Variants in HERC6 observed in about 807,000 individuals in gnomAD.
HERC6 encodes the protein HECT and RLD domain containing E3 ubiquitin protein ligase family member 6.
A neutral mutation model predicts 114.5 loss-of-function variants in HERC6; 101 were observed. The ratio of observed to expected loss-of-function variants is 0.88; its 90% CI spans 0.75 to 1.04. HERC6 has a LOEUF of 1.04. Ranked by LOEUF, HERC6 falls within the 50% of genes least tolerant of loss-of-function variation. HERC6 has a pLI of 0.00. For synonymous variants in HERC6, 408 were observed against 436.2 expected, an observed-to-expected ratio of 0.94 and a Z score of 0.81; for missense variants, 1,133 against 1,230.9, an observed-to-expected ratio of 0.92 and a Z score of 1.19.
rs1298162077 is a variant in HERC6 at position 88,396,112 on chromosome 4, A to T, written c.857A>T (p.Asp286Val). The T allele has an allele frequency of 2.5e-6, 4 of 1,604,208 alleles. No homozygotes were observed. The South Asian group carries it at 4.5e-5, about 18-fold the overall frequency. ...KRGPQLVERI[D>V]GLVSQIDCGS... ...GGTCCACAACTTGTGGAAAGAATTG[A>T]TGGCCTAGTTTCGCAGATAGATTGT... Residue 286 changes from aspartate (D) to valine (V), a missense_variant, in exon 6 of 23, where the codon GAT becomes GTT. Around this residue, in one of 3 missense-constraint regions of HERC6, gnomAD observed 735 missense variants for 754.0 expected, o/e 0.97. Coordinates refer to ENST00000264346, the MANE Select transcript of HERC6 (RefSeq NM_017912.4).
intron 17 of HERC6, among the ~76,000 whole-genome samples, chr4:88,434,511 G>A (rs1331533386): frequency 6.6e-6 from 1 of 151,844 alleles, no homozygotes; most frequent in Non-Finnish European, 1.5e-5. Context: ...GGGATGAAAT[G>A]AACTAAAGAG....
intron 14 of HERC6, 70 bp from the exon 15 acceptor site, chr4:88,424,524 TA>T: frequency 8.8e-7 from 1 of 1,138,964 alleles, no homozygotes; most frequent in Non-Finnish European, 1.3e-6. Context: ...AAAAAGGCGA[TA>T]AGGTAAAGGA....
chr4:88,390,718 C>G lies in HERC6; in HGVS notation c.503C>G (p.Ser168Cys), dbSNP rs184338462. 3 of 1,614,098 alleles carry G rather than the reference C, an allele frequency of 1.9e-6. No homozygotes were observed. Among genetic ancestry groups the G allele is most frequent in the East Asian group, 4.5e-5 (2 of 44,876 alleles). Residue 168 changes from serine to cysteine, a missense_variant, in exon 4 of 23, where the codon TCC (serine) becomes TGC (cysteine). Ser to Cys is a moderately radical substitution (Grantham distance 112, BLOSUM62 -1). This residue lies in a region of HERC6 where 735 missense variants were observed against 754.0 expected (regional missense o/e 0.97). Transcript: ENST00000264346. Reference sequence around the variant, plus strand: ...CTGGGCTTGGGGAAGGAGTTCCCCTCCCAAGCCAGCCCGCAGAGGGTGAGG... The same window carrying G: ...CTGGGCTTGGGGAAGGAGTTCCCCTGCCAAGCCAGCCCGCAGAGGGTGAGG... The part of the protein sequence containing the change: ...GQLGLGKEFP[S>C]QASPQRVRSL...
intron 2 of HERC6, among the ~76,000 whole-genome samples, chr4:88,384,609 A>C (rs1230746259): frequency 6.6e-6 from 1 of 152,172 alleles, no homozygotes; most frequent in Non-Finnish European, 1.5e-5. Context: ...AGAAGAGATC[A>C]ATTTGACTTG....
chr4:88,383,114 A>C, intron 1 of HERC6, 107 bp from the exon 2 acceptor site: 4 of 1,419,224 alleles, frequency 2.8e-6, no homozygotes, highest in Non-Finnish European at 3.8e-6. Context: ...GGAGGAGACA[A>C]GAAATCTGGA....
chr4:88,431,317 CTTTT>C lies in HERC6; in HGVS notation c.2250+21_2250+24del. On this transcript the variant is annotated intron_variant, in intron 17 of 22. Transcript: ENST00000264346. ...GGTTTCCTGCCAAGGTAAGTCTTTT[CTTTT>C]TTTTTTTTCCCCCAGAACAGAAAAG... 3 of 1,213,652 alleles carry C rather than the reference CTTTT, an allele frequency of 2.5e-6. No homozygotes were observed. The highest frequency in any genetic ancestry group is 1.5e-5 in the South Asian group (1 of 65,254). 75.2% of individuals were successfully genotyped at this position (1,213,652 alleles called of 1,614,324 possible). A position where few individuals can be genotyped will look rare whatever the true frequency, so the allele number is the denominator to read the frequency against.
At chr4:88,401,403 A>G (rs1271728173) in intron 8 of HERC6, among the ~76,000 whole-genome samples, 2 of 151,592 alleles carry the variant, frequency 1.3e-5, no homozygotes, top group African/African-American at 4.9e-5. Context: ...TGAGGCAGAG[A>G]ATTGCTTGAA....
intron 5 of HERC6, 81 bp from the exon 6 acceptor site, chr4:88,395,934 C>G: frequency 7.6e-7 from 1 of 1,313,752 alleles, no homozygotes; most frequent in Non-Finnish European, 1.0e-6. Flanking sequence ...CCCGTATTAA[C>G]TCTTGTATGA....
Position 88,439,959 on chromosome 4 carries a change from A to G in HERC6, c.2641A>G (p.Arg881Gly). 6.2e-7 allele frequency: 1 copy of G among 1,610,560 alleles called. No individual in the cohort carries two copies. The highest frequency in any genetic ancestry group is 1.3e-5 in the African/African-American group (1 of 74,608). ...VYEEFQRGFY[R>G]VCEKEILRHF... Reference sequence around the variant, plus strand: ...TGAGGAATTTCAGAGAGGATTTTATAGAGTCTGTGAGAAGGAGATACTTAG... The same window carrying G: ...TGAGGAATTTCAGAGAGGATTTTATGGAGTCTGTGAGAAGGAGATACTTAG... Residue 881 changes from arginine to glycine, a missense_variant, in exon 21 of 23, where the codon AGA (arginine) becomes GGA (glycine). Transcript: ENST00000264346.
In HERC6 at chr4:88,431,167, A is replaced by C; in HGVS notation, c.2112A>C (p.Glu704Asp). 1 of 1,606,392 alleles carries C rather than the reference A, an allele frequency of 6.2e-7. No individual in the cohort carries two copies. Among genetic ancestry groups the C allele is most frequent in the Non-Finnish European group, 8.5e-7 (1 of 1,177,682 alleles). ...ATDFCKVLVV[E>D]FINEICPESG... ...ACTATGTTCTCTTTCCTTAGGTTGA[A>C]TTTATTAATGAAATTTGTCCTGAGT... is the stretch of plus-strand genomic sequence containing the variant. The change falls in exon 17 of 23, where the codon GAA (glutamate) becomes GAC (aspartate). Residue 704 changes from glutamate to aspartate, a missense_variant. This residue lies in a region of HERC6 where 388 missense variants were observed against 445.9 expected (regional missense o/e 0.87). Transcript: ENST00000264346.
chr4:88,442,192 T>A, intron 22 of HERC6, 42 bp from the exon 23 acceptor site: 2 of 1,371,712 alleles, frequency 1.5e-6, no homozygotes, highest in Non-Finnish European at 2.0e-6. Context: ...TATGTTTTAC[T>A]CTTTCTATGA....
intron 3 of HERC6, among the ~76,000 whole-genome samples, chr4:88,386,678 G>C (rs1734603568): frequency 6.6e-6 from 1 of 152,180 alleles, no homozygotes; most frequent in Non-Finnish European, 1.5e-5. Context: ...GAAACCAATG[G>C]AAGATACGGG....
intron 3 of HERC6, among the ~76,000 whole-genome samples, chr4:88,386,982 C>T (rs1734620123): frequency 6.6e-6 from 1 of 152,236 alleles, no homozygotes; most frequent in African/African-American, 2.4e-5. Context: ...CAGGTAATGT[C>T]TTATGTGTCA....
chr4:88,420,595 T>C (rs951572229), intron 13 of HERC6, among the ~76,000 whole-genome samples: 2 of 152,176 alleles, frequency 1.3e-5, no homozygotes, highest in African/African-American at 4.8e-5. Context: ...GTACTTGATA[T>C]TTTATGTGGT....
chr4:88,405,169 T>C lies in HERC6; in HGVS notation c.1214+172T>C, dbSNP rs932151468. The C allele has an allele frequency of 5.4e-6, 4 of 741,356 alleles. No homozygotes were observed. The African/African-American group carries it at 7.2e-5, about 13-fold the overall frequency. The allele number at this position is 741,356 out of a possible 1,614,324, so 45.9% of individuals were successfully genotyped here. On this transcript the variant is annotated intron_variant, in intron 9 of 22. Transcript: ENST00000264346. ...TCATCAGTGTACTCATTTACAGATA[T>C]ATGGAGGACATGTGATATCCCAGGT...
intron 8 of HERC6, among the ~76,000 whole-genome samples, chr4:88,402,621 G>A (rs1015692561): frequency 1.3e-5 from 2 of 152,178 alleles, no homozygotes; most frequent in African/African-American, 4.8e-5. Flanking sequence ...CCAAGAGTGA[G>A]GGCAGGAAGG....
At chr4:88,394,294 G>A (rs1735091357) in intron 5 of HERC6, among the ~76,000 whole-genome samples, 1 of 151,654 alleles carries the variant, frequency 6.6e-6, no homozygotes, top group South Asian at 2.1e-4. Context: ...CCAACATAGT[G>A]AAATCCCATC....
chr4:88,388,036 A>G (rs1734677419), intron 3 of HERC6, among the ~76,000 whole-genome samples: 1 of 152,246 alleles, frequency 6.6e-6, no homozygotes, highest in Non-Finnish European at 1.5e-5. Flanking sequence ...TTAACTTTAG[A>G]AGAGTTAAAA....
rs562160524 is a variant in HERC6, at chr4:88,390,960, C to T, written c.664+81C>T. On this transcript the variant is annotated intron_variant, in intron 4 of 22. Coordinates refer to ENST00000264346, the MANE Select transcript of HERC6 (RefSeq NM_017912.4). ...CCAACTTGGCAAAGGGCAGTCTTAA[C>T]GCTTAAAACAGTGGTTCCCAAACTT... 9.1e-5 allele frequency: 107 copies of T among 1,171,520 alleles called. 4 individuals carry two copies. The South Asian group carries it at 1.1e-3, about 12-fold the overall frequency. The allele number at this position is 1,171,520 out of a possible 1,614,324, so 72.6% of individuals were successfully genotyped here. A position where few individuals can be genotyped will look rare whatever the true frequency, so the allele number is the denominator to read the frequency against.
Sources: gnomAD v4.1 joint callset for allele counts (sites outside exome capture counted in the v4.1 genomes callset) on GRCh38, gnomAD v4.1.1 for gene constraint, gnomAD v4.1.1 regional missense constraint, MANE v1.5 for transcripts, NCBI Gene and HGNC (gene_info 2026-07-23, HGNC 2026-07-21) for gene names.